The following FAAP20 variants were observed in gnomAD, a reference collection of about 807,000 sequenced individuals.
FAAP20 encodes FA core complex associated protein 20, also known as Fanconi anemia core complex-associated protein 20.
Under a neutral mutation model 16.2 loss-of-function variants are expected in FAAP20, and 12 were observed. That is an observed-to-expected ratio of 0.74 (90% CI 0.48 to 1.20). FAAP20 has a LOEUF of 1.20. Among genes scored for constraint, FAAP20 ranks in the 50% most tolerant of loss-of-function variants. The pLI is 0.00. For missense variants in FAAP20, 288 were observed against 245.8 expected (o/e 1.17, Z -1.15); for synonymous variants, 141 against 110.7 (o/e 1.27, Z -1.72).
upstream of FAAP20, chr1:2,194,872 C>T (rs1278534754): frequency 2.3e-6 from 2 of 873,918 alleles, no homozygotes; most frequent in African/African-American, 1.8e-5. Context: ...ACAGTCGGAA[C>T]CCCAGGGGCC....
At chr1:2,205,553 G>A (rs1307628325) in intron 3 of FAAP20, among the ~76,000 whole-genome samples, 2 of 152,098 alleles carry the variant, frequency 1.3e-5, no homozygotes, top group African/African-American at 4.8e-5. Flanking sequence ...GCGCGCGGGG[G>A]GTTCTGAGCG....
At chr1:2,199,766 G>T, upstream of FAAP20, 1 of 466,052 alleles carries the variant, frequency 2.1e-6, no homozygotes, top group Non-Finnish European at 2.8e-6. This position sits in a 1 kb window ranked among gnomAD's most constrained non-coding sequence, Gnocchi z 4.5. Flanking sequence ...AATGCAGTGT[G>T]AGCAGTGTTC....
upstream of FAAP20, among the ~76,000 whole-genome samples, chr1:2,194,963 GGCCCAGGTGGGGGA>G (rs1688743778): frequency 6.6e-6 from 1 of 152,012 alleles, no homozygotes; most frequent in East Asian, 2.0e-4. Flanking sequence ...GAGGGTGGGG[GGCCCAGGTGGGGGA>G]GCCCCGCCCG....
downstream of FAAP20, among the ~76,000 whole-genome samples, chr1:2,209,192 C>G (rs1162915764): frequency 6.6e-6 from 1 of 152,154 alleles, no homozygotes; most frequent in East Asian, 1.9e-4. Context: ...TGCATGCATC[C>G]TGCAGGGACC....
At chr1:2,192,468 C>G (rs900946813) in intron 3 of FAAP20, 2 of 999,786 alleles carry the variant, frequency 2.0e-6, no homozygotes, top group African/African-American at 3.5e-5. Flanking sequence ...ACGTCCTTGT[C>G]TTCAGAAGTC....
rs1196888256 is a variant in FAAP20 at position 2,194,644 on chromosome 1, G to C, written c.62+44C>G. 5 of 1,065,586 alleles carry C rather than the reference G, an allele frequency of 4.7e-6. No homozygotes were observed. The East Asian group carries it at 1.9e-4, about 40-fold the overall frequency. 66.0% of individuals were successfully genotyped at this position (1,065,586 alleles called of 1,614,324 possible). A position where few individuals can be genotyped will look rare whatever the true frequency, so the allele number is the denominator to read the frequency against. On this transcript the variant is annotated intron_variant, in intron 1 of 3. Transcript: ENST00000378546. ...CGCGGGGGCGCCGGGAAGCACGTGG[G>C]AGCGGGAAAACCGGCCGCGCCCCCG...
chr1:2,199,577 C>T (rs1051334018), upstream of FAAP20: 3 of 985,856 alleles, frequency 3.0e-6, no homozygotes, highest in Middle Eastern at 5.2e-4. The surrounding 1 kb of genome is among the most constrained non-coding windows in gnomAD (Gnocchi z 4.5). Context: ...CCTCTCAGGG[C>T]ACCCCTCCTC....
Position 2,193,884 on chromosome 1 carries a change from A to T in FAAP20, c.225T>A (p.Thr75=). ...TCTTGGGTCCGACAGTGAAGACTTC[A>T]GTGGGCTCCGGGCCGCACCTGGGCT... is the stretch of plus-strand genomic sequence containing the variant. The part of the protein sequence containing the change: ...GQEPRCGPEP[T]EVFTVGPKTF... The change falls in exon 3 of 4, where the codon ACT becomes ACA. Residue 75 remains threonine (T), a synonymous_variant. Transcript: ENST00000378546. The T allele has an allele frequency of 6.2e-7, 1 of 1,612,400 alleles. No homozygotes were observed. Among genetic ancestry groups the T allele is most frequent in the Non-Finnish European group, 8.5e-7 (1 of 1,179,804 alleles).
At chr1:2,192,082 C>T in intron 3 of FAAP20, 5 of 985,520 alleles carry the variant, frequency 5.1e-6, no homozygotes, top group South Asian at 4.7e-5. Flanking sequence ...GGCGCCTGTG[C>T]GGGACAGGGC....
At chr1:2,185,029 G>T (rs768206691), downstream of FAAP20, 19 of 1,585,534 alleles carry the variant, frequency 1.2e-5, no homozygotes, top group East Asian at 4.3e-4. Context: ...CGTCTCTGTC[G>T]TGGACACGCG....
downstream of FAAP20, among the ~76,000 whole-genome samples, chr1:2,188,230 C>G (rs185071098): frequency 6.6e-6 from 1 of 152,344 alleles, no homozygotes; most frequent in African/African-American, 2.4e-5. Flanking sequence ...TCCCTGAAGA[C>G]GCTGCTTTCT....
At chr1:2,192,871 A>T in intron 3 of FAAP20, 2 of 1,294,622 alleles carry the variant, frequency 1.5e-6, no homozygotes, top group Non-Finnish European at 2.0e-6. Flanking sequence ...AAGGGCTGGG[A>T]TTACAGGCGT....
intron 3 of FAAP20, chr1:2,189,989 G>C (rs1687999909): frequency 3.2e-6 from 2 of 620,386 alleles, no homozygotes; most frequent in African/African-American, 3.6e-5. Context: ...CCGTGAGGAG[G>C]CCACGCCAGG....
chr1:2,192,800 A>C (rs1688383404), intron 3 of FAAP20: 4 of 1,142,580 alleles, frequency 3.5e-6, no homozygotes, highest in African/African-American at 3.2e-5. Flanking sequence ...GGATCTTGCC[A>C]TGTTGCCCAG....
intron 3 of FAAP20, chr1:2,192,380 C>T (rs1432567076): frequency 1.0e-6 from 1 of 994,950 alleles, no homozygotes; most frequent in Non-Finnish European, 1.2e-6. Context: ...TTGACGCCTA[C>T]TTAGGAAAAA....
chr1:2,210,928 T>C (rs1472064185), downstream of FAAP20, among the ~76,000 whole-genome samples: 1 of 152,206 alleles, frequency 6.6e-6, no homozygotes, highest in Non-Finnish European at 1.5e-5. Context: ...GACCTGGGCC[T>C]GGGCTTAGCG....
upstream of FAAP20, chr1:2,199,001 T>A: frequency 7.8e-7 from 1 of 1,274,722 alleles, no homozygotes; most frequent in African/African-American, 1.5e-5. This position sits in a 1 kb window ranked among gnomAD's most constrained non-coding sequence, Gnocchi z 4.5. Flanking sequence ...GGTGCAAGAG[T>A]AGGGGTGTGC....
At chr1:2,194,288 G>C in intron 1 of FAAP20, 155 bp from the exon 2 acceptor site, 1 of 876,310 alleles carries the variant, frequency 1.1e-6, no homozygotes, top group Non-Finnish European at 1.7e-6. Context: ...GTTGGGGGAA[G>C]GGCTGCTGGG....
At chr1:2,192,515 G>C in intron 3 of FAAP20, 1 of 1,001,996 alleles carries the variant, frequency 1.0e-6, no homozygotes, top group Non-Finnish European at 1.2e-6. Context: ...GCGATGCAAA[G>C]ACAAAAGCCC....
Sources: allele counts gnomAD v4.1 joint callset (sites outside exome capture counted in the v4.1 genomes callset), GRCh38; gene constraint gnomAD v4.1.1; non-coding constraint Gnocchi (gnomAD v3.1); transcripts MANE v1.5; gene names NCBI Gene and HGNC (gene_info 2026-07-23, HGNC 2026-07-21).